PCDHGA5: variants seen among roughly 807,000 people sequenced by gnomAD.
PCDHGA5 encodes the protein protocadherin gamma-A5.
Under a neutral mutation model 56.7 loss-of-function variants are expected in PCDHGA5, and 36 were observed. That is an observed-to-expected ratio of 0.64 (90% CI 0.49 to 0.84). PCDHGA5 has a LOEUF of 0.84. PCDHGA5 is among the 40% of genes least tolerant of loss of function. The pLI, the probability that PCDHGA5 is intolerant of heterozygous loss-of-function variation, is 0.00. For synonymous variants in PCDHGA5, 563 were observed against 520.2 expected, an observed-to-expected ratio of 1.08 and a Z score of -1.12; for missense variants, 1,305 against 1,201.5, an observed-to-expected ratio of 1.09 and a Z score of -1.27.
chr5:141,440,056 G>A, intron 1 of PCDHGA5: 1 of 152,648 alleles, frequency 6.6e-6, no homozygotes, highest in East Asian at 1.9e-4. Flanking sequence ...GAAAGCTTCG[G>A]GTTAATGCTG....
chr5:141,422,477 A>G (rs1230502545), intron 1 of PCDHGA5: 2 of 1,613,904 alleles, frequency 1.2e-6, no homozygotes, highest in Admixed American at 1.7e-5. Flanking sequence ...GAGTTGGTCC[A>G]GAGCTACAAT....
At position 141,477,100 on chromosome 5, in the gene PCDHGA5, C is replaced by A. The variant is rs970613825; in HGVS notation, c.2422-17707C>A. On this transcript the variant is annotated intron_variant, in intron 1 of 3. Transcript: ENST00000518069. This position sits in a 1 kb window ranked among gnomAD's most constrained non-coding sequence, Gnocchi z 4.9. ...TTTACATCCAGGCCAAAGACAAGGGCGCCAATCCCGAAGGAGCACATTGCA... is the reference window on the plus strand; with the variant it reads ...TTTACATCCAGGCCAAAGACAAGGGAGCCAATCCCGAAGGAGCACATTGCA... 1 of 1,614,216 alleles carries A rather than the reference C, an allele frequency of 6.2e-7. No homozygotes were observed. Among genetic ancestry groups the A allele is most frequent in the Non-Finnish European group, 8.5e-7 (1 of 1,180,040 alleles).
chr5:141,457,676 A>G (rs1380484149), intron 1 of PCDHGA5, among the ~76,000 whole-genome samples: 2 of 152,240 alleles, frequency 1.3e-5, no homozygotes, highest in East Asian at 3.8e-4. Flanking sequence ...TTATTTCTAC[A>G]TAGGACTTTT....
intron 1 of PCDHGA5, among the ~76,000 whole-genome samples, chr5:141,445,248 T>C (rs1264046214): frequency 6.6e-6 from 1 of 152,224 alleles, no homozygotes; most frequent in African/African-American, 2.4e-5. Flanking sequence ...CACTATATTG[T>C]GTGAGAATAT....
At chr5:141,383,051 A>T in intron 1 of PCDHGA5, 2 of 1,613,872 alleles carry the variant, frequency 1.2e-6, no homozygotes, top group Non-Finnish European at 1.7e-6. Context: ...ATCGCCAAGG[A>T]CCTGGGGCTG....
chr5:141,374,723 G>T (rs771753373), intron 1 of PCDHGA5: 1 of 1,609,998 alleles, frequency 6.2e-7, no homozygotes, highest in South Asian at 1.1e-5. Context: ...GGTCCTTACT[G>T]CCATGGATGG....
Position 141,494,869 on chromosome 5 carries a change from G to A in PCDHGA5, c.2480+4G>A. 6.2e-7 allele frequency: 1 copy of A among 1,614,144 alleles called. No individual in the cohort carries two copies. Among genetic ancestry groups the A allele is most frequent in the Non-Finnish European group, 8.5e-7 (1 of 1,180,010 alleles). On this transcript the variant is annotated splice_donor_region_variant and intron_variant, in intron 2 of 3. Coordinates refer to ENST00000518069, the MANE Select transcript of PCDHGA5 (RefSeq NM_018918.3). The stretch of plus-strand genomic sequence containing the variant: ...CCCAGAGACCCGGCACCAGCGGGTA[G>A]GTGACTGATTCTCCAGCCCACCCTC...
At chr5:141,400,609 A>G (rs376731583) in intron 1 of PCDHGA5, 129 of 1,577,604 alleles carry the variant, frequency 8.2e-5, no homozygotes, top group South Asian at 3.2e-4. Flanking sequence ...TTCAAGTCCA[A>G]TGAGTTGTCT....
intron 1 of PCDHGA5, among the ~76,000 whole-genome samples, chr5:141,373,439 C>T (rs9324846): frequency 0.027 from 4,173 of 152,294 alleles, 185 homozygotes; most frequent in African/African-American, 0.096. Context: ...GGGAGGATCC[C>T]TTGATCCCAG....
intron 1 of PCDHGA5, chr5:141,404,996 G>C (rs776423830): frequency 6.2e-7 from 1 of 1,613,974 alleles, no homozygotes; most frequent in South Asian, 1.1e-5. Context: ...TCAGATCCCT[G>C]CAGACCTGGA....
chr5:141,369,651 A>C (rs562787182), intron 1 of PCDHGA5, among the ~76,000 whole-genome samples: 2 of 152,378 alleles, frequency 1.3e-5, no homozygotes, highest in South Asian at 4.1e-4. Context: ...GGGGGGAGAT[A>C]ATAAAGATAA....
chr5:141,417,704 A>G, intron 1 of PCDHGA5: 2 of 1,207,460 alleles, frequency 1.7e-6, no homozygotes, highest in Non-Finnish European at 1.1e-6. Context: ...GCTCCCACAC[A>G]GAGGCTCCCG....
chr5:141,462,668 T>C (rs778396861), intron 1 of PCDHGA5, among the ~76,000 whole-genome samples: 10 of 152,232 alleles, frequency 6.6e-5, no homozygotes, highest in Non-Finnish European at 1.5e-4. Flanking sequence ...CTTCATATTT[T>C]TCTTTAAATT....
chr5:141,485,661 G>A lies in PCDHGA5; in HGVS notation c.2422-9146G>A. On this transcript the variant is annotated intron_variant, in intron 1 of 3. Transcript: ENST00000518069. This position sits in a 1 kb window ranked among gnomAD's most constrained non-coding sequence, Gnocchi z 5.7. ...GAAAAGGCTCAGGATGCAGATGTGGGGAGCAATTCGATTAGCAGCTATAGG... is the reference window on the plus strand; with the variant it reads ...GAAAAGGCTCAGGATGCAGATGTGGAGAGCAATTCGATTAGCAGCTATAGG... 2 of 1,612,678 alleles carry A rather than the reference G, an allele frequency of 1.2e-6. No individual in the cohort carries two copies. Among genetic ancestry groups the A allele is most frequent in the Non-Finnish European group, 1.7e-6 (2 of 1,178,884 alleles).
At chr5:141,433,004 T>G (rs368646186) in intron 1 of PCDHGA5, 48 of 1,614,028 alleles carry the variant, frequency 3.0e-5, no homozygotes, top group Non-Finnish European at 3.4e-5. Context: ...GGTGCAGGCT[T>G]TCCTGCAGAC....
Position 141,489,089 on chromosome 5 carries a change from A to G in PCDHGA5, c.2422-5718A>G. 5.6e-5 allele frequency: 16 copies of G among 284,404 alleles called. No individual in the cohort carries two copies. The highest frequency in any genetic ancestry group is 9.0e-5 in the Non-Finnish European group (14 of 156,416). The allele number at this position is 284,404 out of a possible 1,614,324, so 17.6% of individuals were successfully genotyped here. On this transcript the variant is annotated intron_variant, in intron 1 of 3. Coordinates refer to ENST00000518069, the MANE Select transcript of PCDHGA5 (RefSeq NM_018918.3). The surrounding 1 kb of genome is among the most constrained non-coding windows in gnomAD (Gnocchi z 4.5). ...CCCTGCCCACCCCCGCCACTCGGTG[A>G]CTAAGAACTGCTGCAAGCAGGCAAA...
intron 1 of PCDHGA5, among the ~76,000 whole-genome samples, chr5:141,452,253 T>G (rs2098736880): frequency 6.6e-6 from 1 of 152,166 alleles, no homozygotes; most frequent in Admixed American, 6.5e-5. Context: ...TTGCCATAAC[T>G]CTCTCATTTT....
At chr5:141,401,570 C>T (rs192915698) in intron 1 of PCDHGA5, among the ~76,000 whole-genome samples, 2 of 152,290 alleles carry the variant, frequency 1.3e-5, no homozygotes, top group Admixed American at 1.3e-4. Context: ...ATTTCTCTTG[C>T]TCGGAATCCT....
At position 141,423,563 on chromosome 5, in the gene PCDHGA5, C is replaced by T. The variant is rs745802952; in HGVS notation, c.2421+56812C>T. 9.9e-6 allele frequency: 16 copies of T among 1,613,436 alleles called. No homozygotes were observed. In the Admixed American group the frequency reaches 2.3e-4, roughly 24 times the overall value. ...TTCCCCCAGCCCAACTATGGGGACA[C>T]GCTCATCAGCCAGGAGAGCTGTGAG... On this transcript the variant is annotated intron_variant, in intron 1 of 3. Coordinates refer to ENST00000518069, the MANE Select transcript of PCDHGA5 (RefSeq NM_018918.3).
Sources: allele counts gnomAD v4.1 joint callset (sites outside exome capture counted in the v4.1 genomes callset), GRCh38; gene constraint gnomAD v4.1.1; non-coding constraint Gnocchi (gnomAD v3.1); transcripts MANE v1.5; gene names NCBI Gene and HGNC (gene_info 2026-07-23, HGNC 2026-07-21).